Variants in FHIT observed in about 807,000 individuals in gnomAD.
FHIT encodes fragile histidine triad diadenosine triphosphatase.
FHIT carries 19 observed loss-of-function variants against 17.9 expected under a neutral mutation model. That is an observed-to-expected ratio of 1.06 (90% CI 0.74 to 1.56). The LOEUF (loss-of-function observed/expected upper bound fraction) is 1.56, where lower values mean the gene tolerates loss of function less well. Ranked by LOEUF, FHIT falls within the 40% of genes most tolerant of loss-of-function variation. The probability of loss-of-function intolerance (pLI) is 0.00; values close to 1 mark genes in which losing one functional copy is unlikely to be tolerated. For synonymous variants in FHIT, 81 were observed against 69.7 expected, an observed-to-expected ratio of 1.16 and a Z score of -0.81; for missense variants, 248 against 189.2, an observed-to-expected ratio of 1.31 and a Z score of -1.82.
intron 3 of FHIT, among the ~76,000 whole-genome samples, chr3:60,823,645 A>T (rs546326595): frequency 6.6e-6 from 1 of 152,326 alleles, no homozygotes; most frequent in South Asian, 2.1e-4. Context: ...CCCTGGTGAC[A>T]CTTTGATTTC....
chr3:60,340,843 G>C (rs140571628), intron 5 of FHIT, among the ~76,000 whole-genome samples: 2 of 152,100 alleles, frequency 1.3e-5, no homozygotes, highest in East Asian at 3.9e-4. Flanking sequence ...AAATATCTGG[G>C]ACCATGCCTG....
intron 4 of FHIT, among the ~76,000 whole-genome samples, chr3:60,814,679 A>G (rs1459154516): frequency 6.6e-6 from 1 of 152,102 alleles, no homozygotes; most frequent in Non-Finnish European, 1.5e-5. Flanking sequence ...ATGCAAGTAC[A>G]TGTGTCTTTG....
At chr3:59,920,210 A>C (rs556744465) in intron 8 of FHIT, among the ~76,000 whole-genome samples, 19 of 152,210 alleles carry the variant, frequency 1.2e-4, no homozygotes, top group Non-Finnish European at 2.5e-4. Context: ...TCAGGCTACA[A>C]TATCATATGG....
At chr3:60,205,982 A>C (rs892492556) in intron 5 of FHIT, among the ~76,000 whole-genome samples, 14 of 150,926 alleles carry the variant, frequency 9.3e-5, no homozygotes, top group Non-Finnish European at 1.6e-4. Flanking sequence ...AAAATAAAAA[A>C]ATTAGCCGGG....
chr3:60,489,019 C>T (rs955465067), intron 5 of FHIT, among the ~76,000 whole-genome samples: 12 of 152,116 alleles, frequency 7.9e-5, no homozygotes, highest in African/African-American at 2.9e-4. Flanking sequence ...AAGGATTGAA[C>T]CAGATGATGT....
chr3:59,889,291 C>A (rs1703751734), intron 8 of FHIT, among the ~76,000 whole-genome samples: 1 of 152,202 alleles, frequency 6.6e-6, no homozygotes, highest in South Asian at 2.1e-4. Flanking sequence ...TGTCTGACAT[C>A]CATCCAGTCC....
intron 5 of FHIT, among the ~76,000 whole-genome samples, chr3:60,199,716 T>A (rs904416235): frequency 4.6e-5 from 7 of 152,136 alleles, no homozygotes; most frequent in African/African-American, 1.4e-4. Context: ...TCAAGGTCAA[T>A]GATAAGACTA....
chr3:60,706,996 A>C (rs1288781613), intron 4 of FHIT, among the ~76,000 whole-genome samples: 1 of 152,232 alleles, frequency 6.6e-6, no homozygotes, highest in African/African-American at 2.4e-5. Context: ...AGCCGGAAGA[A>C]AACTCTTTGA....
At chr3:60,330,680 A>T (rs187177089) in intron 5 of FHIT, among the ~76,000 whole-genome samples, 150 of 152,332 alleles carry the variant, frequency 9.8e-4, no homozygotes, top group African/African-American at 3.4e-3. Context: ...AGATGTATGT[A>T]CAAGGTGGTT....
chr3:60,264,181 T>C (rs1007514498), intron 5 of FHIT, among the ~76,000 whole-genome samples: 2 of 151,968 alleles, frequency 1.3e-5, no homozygotes, highest in African/African-American at 4.8e-5. Flanking sequence ...ATCACTTAAA[T>C]CCTAGAAGAA....
chr3:60,767,101 A>G (rs1424605494), intron 4 of FHIT, among the ~76,000 whole-genome samples: 2 of 152,242 alleles, frequency 1.3e-5, no homozygotes, highest in Non-Finnish European at 2.9e-5. Context: ...AATTGAGCCT[A>G]CAAATGTTAA....
At chr3:60,237,521 A>C (rs768658090) in intron 5 of FHIT, among the ~76,000 whole-genome samples, 2 of 152,122 alleles carry the variant, frequency 1.3e-5, no homozygotes, top group African/African-American at 2.4e-5. Context: ...GTCTTCACAT[A>C]AACTATCTTG....
chr3:60,014,129 G>A lies in FHIT; in HGVS notation c.127C>T (p.Pro43Ser), dbSNP rs200262937. ...PGHVLVCPLRPVERFHDLRPD... is the reference protein window; with the variant it reads ...PGHVLVCPLRSVERFHDLRPD... ...CGCAGGTCATGGAAGCGCTCCACTG[G>A]CCGCAGCGGGCACACAAGGACATCT... Residue 43 changes from proline to serine, a missense_variant, in exon 6 of 10, where the codon CCA (proline) becomes TCA (serine). Pro to Ser is a moderately conservative substitution (Grantham distance 74). Transcript: ENST00000492590. 1.2e-6 allele frequency: 2 copies of A among 1,614,032 alleles called. No individual in the cohort carries two copies. Among genetic ancestry groups the A allele is most frequent in the Non-Finnish European group, 1.7e-6 (2 of 1,179,962 alleles).
chr3:60,016,797 A>T lies in FHIT; in HGVS notation c.104-2645T>A, dbSNP rs529467806. 2.0e-5 allele frequency among the ~76,000 whole-genome samples: 3 copies of T among 152,330 alleles called. No individual in the cohort carries two copies. The South Asian group carries it at 6.2e-4, about 32-fold the overall frequency. ...CCTAGACCAAAATCTGTCCTTAAAA[A>T]TGGTCCAGAAACTTAAGGTTAGCTT... On this transcript the variant is annotated intron_variant, in intron 5 of 9. Transcript: ENST00000492590.
intron 5 of FHIT, among the ~76,000 whole-genome samples, chr3:60,331,680 C>A (rs1709985240): frequency 6.6e-6 from 1 of 152,054 alleles, no homozygotes; most frequent in South Asian, 2.1e-4. Flanking sequence ...AACCTCGTAT[C>A]TGCTAAAAAT....
intron 8 of FHIT, among the ~76,000 whole-genome samples, chr3:59,921,828 T>C (rs1163801932): frequency 1.3e-5 from 2 of 152,216 alleles, no homozygotes; most frequent in Non-Finnish European, 2.9e-5. Flanking sequence ...TAGAAATAAA[T>C]TAACTGCTTT....
intron 7 of FHIT, among the ~76,000 whole-genome samples, chr3:59,923,025 C>T (rs540605974): frequency 1.3e-5 from 2 of 151,700 alleles, no homozygotes; most frequent in South Asian, 2.1e-4. Flanking sequence ...TTTGGGAGGC[C>T]GAGGTGGGCG....
At chr3:60,752,721 T>A (rs781907109) in intron 4 of FHIT, among the ~76,000 whole-genome samples, 4 of 152,198 alleles carry the variant, frequency 2.6e-5, no homozygotes, top group Non-Finnish European at 4.4e-5. Context: ...CTATAAAATA[T>A]GTTTCTCAAA....
intron 5 of FHIT, among the ~76,000 whole-genome samples, chr3:60,358,305 G>A (rs1365296205): frequency 6.6e-6 from 1 of 152,162 alleles, no homozygotes; most frequent in Non-Finnish European, 1.5e-5. Flanking sequence ...TGATACTAGA[G>A]ATGTATTTGG....
Sources: allele counts gnomAD v4.1 joint callset (sites outside exome capture counted in the v4.1 genomes callset), GRCh38; gene constraint gnomAD v4.1.1; transcripts MANE v1.5; gene names NCBI Gene and HGNC (gene_info 2026-07-23, HGNC 2026-07-21).